PPEF1: variants seen among roughly 807,000 people sequenced by gnomAD.
The protein encoded by PPEF1 is serine/threonine-protein phosphatase with EF-hands 1.
Under a neutral mutation model 53.3 loss-of-function variants are expected in PPEF1, and 12 were observed. That is an observed-to-expected ratio of 0.23 (90% CI 0.14 to 0.36). PPEF1 has a LOEUF of 0.36. PPEF1 is among the 10% of genes least tolerant of loss of function. PPEF1 has a pLI of 1.00. For missense variants in PPEF1, 334 were observed against 490.4 expected, an observed-to-expected ratio of 0.68 and a Z score of 3.01; for synonymous variants, 165 against 176.7, an observed-to-expected ratio of 0.93 and a Z score of 0.52.
intron 6 of PPEF1, among the ~76,000 whole-genome samples, chrX:18,767,202 T>C (rs979092257): frequency 1.2e-4 from 13 of 110,715 alleles, no homozygotes; most frequent in African/African-American, 4.3e-4. Context: ...ATGTTTAGAC[T>C]GATGAGCCTG....
intron 3 of PPEF1, among the ~76,000 whole-genome samples, chrX:18,690,470 G>A (rs758441830): frequency 3.1e-4 from 33 of 104,856 alleles, no homozygotes; most frequent in African/African-American, 1.1e-3. Context: ...TCCACCTCCC[G>A]AGTTCAAGTG....
chrX:18,710,798 T>C lies in PPEF1; in HGVS notation c.46+2972T>C, dbSNP rs1033540338. On this transcript the variant is annotated intron_variant, in intron 1 of 15. Coordinates refer to ENST00000470157, the MANE Select transcript of PPEF1 (RefSeq NM_001377996.1). ...TTTCTCAAAGAACTAAAAATAGAGC[T>C]ACCAAACTACCATTTCATCCAGCAA... 3.6e-5 allele frequency among the ~76,000 whole-genome samples: 4 copies of C among 111,314 alleles called. No homozygotes were observed. The Admixed American group carries it at 3.8e-4, about 11-fold the overall frequency.
In PPEF1 at chrX:18,791,536, C is replaced by A. The variant is rs887640175; in HGVS notation, c.1065+2263C>A. On this transcript the variant is annotated intron_variant, in intron 10 of 15. Coordinates refer to ENST00000470157, the MANE Select transcript of PPEF1 (RefSeq NM_001377996.1). Reference sequence around the variant, plus strand: ...AATACAACTGACTTTTATATACTGACATTGTGTTGTGAACTTTGATAAACG... The same window carrying A: ...AATACAACTGACTTTTATATACTGAAATTGTGTTGTGAACTTTGATAAACG... Among the ~76,000 whole-genome samples, 4 of 112,138 alleles carry A rather than the reference C, an allele frequency of 3.6e-5. No homozygotes were observed. In the Admixed American group the frequency reaches 3.8e-4, roughly 11 times the overall value.
At chrX:18,675,550 G>T (rs770621537), upstream of PPEF1, among the ~76,000 whole-genome samples, 87 of 112,847 alleles carry the variant, frequency 7.7e-4, no homozygotes, top group Non-Finnish European at 1.4e-3. Flanking sequence ...ACAGGCCTAG[G>T]GGGTGCAAAT....
intron 14 of PPEF1, among the ~76,000 whole-genome samples, chrX:18,825,100 T>C: frequency 8.9e-6 from 1 of 112,102 alleles, no homozygotes; most frequent in African/African-American, 3.2e-5. Context: ...TTTCTTAGAA[T>C]GTGAATATCA....
At chrX:18,752,705 AGTT>A (rs1452748653) in intron 4 of PPEF1, among the ~76,000 whole-genome samples, 1 of 100,086 alleles carries the variant, frequency 1.0e-5, no homozygotes, top group Non-Finnish European at 2.0e-5. Flanking sequence ...TATCAGGAAA[AGTT>A]GTCGGGTTTT....
chrX:18,697,328 A>G (rs1298440509), intron 4 of PPEF1, among the ~76,000 whole-genome samples: 1 of 111,860 alleles, frequency 8.9e-6, no homozygotes, highest in African/African-American at 3.2e-5. Flanking sequence ...CCATTTTTCA[A>G]TCTTAACATC....
At chrX:18,754,259 T>A (rs1292787840) in intron 4 of PPEF1, among the ~76,000 whole-genome samples, 2 of 111,558 alleles carry the variant, frequency 1.8e-5, no homozygotes, top group African/African-American at 6.5e-5. Context: ...TCTGACAAAG[T>A]TGATTCTGAC....
intron 7 of PPEF1, among the ~76,000 whole-genome samples, chrX:18,779,855 A>G (rs1406861979): frequency 8.9e-6 from 1 of 111,844 alleles, no homozygotes; most frequent in Non-Finnish European, 1.9e-5. Context: ...AAGATATGGC[A>G]TGTCTCATGC....
chrX:18,723,691 A>G (rs1289454497), intron 1 of PPEF1, among the ~76,000 whole-genome samples: 1 of 112,029 alleles, frequency 8.9e-6, no homozygotes, highest in African/African-American at 3.2e-5. Context: ...CAGATGCTCA[A>G]GAGTGCTACA....
chrX:18,786,780 CAAAAAAA>C (rs761641178), intron 9 of PPEF1, among the ~76,000 whole-genome samples: 2 of 58,811 alleles, frequency 3.4e-5, no homozygotes, highest in Non-Finnish European at 6.0e-5. Flanking sequence ...AACACTATCT[CAAAAAAA>C]AAAAAAAAAA....
chrX:18,718,028 G>A (rs552503440), intron 1 of PPEF1, among the ~76,000 whole-genome samples: 5 of 111,780 alleles, frequency 4.5e-5, no homozygotes, highest in East Asian at 2.8e-4. Flanking sequence ...AATAGTCACC[G>A]TTTGATATGA....
intron 3 of PPEF1, among the ~76,000 whole-genome samples, chrX:18,737,051 TC>T (rs1569252013): frequency 1.8e-5 from 2 of 111,839 alleles, no homozygotes; most frequent in Non-Finnish European, 3.8e-5. Flanking sequence ...TAGCAGTCTA[TC>T]AATTTTGTTG....
intron 10 of PPEF1, among the ~76,000 whole-genome samples, chrX:18,797,490 C>G (rs951261076): frequency 2.7e-5 from 3 of 110,764 alleles, no homozygotes; most frequent in African/African-American, 9.9e-5. Flanking sequence ...TATTTATAGT[C>G]TGAATGACTC....
At chrX:18,800,986 A>G (rs948321682) in intron 10 of PPEF1, among the ~76,000 whole-genome samples, 3 of 112,086 alleles carry the variant, frequency 2.7e-5, no homozygotes, top group Non-Finnish European at 5.6e-5. Flanking sequence ...TCTTTCCTCC[A>G]TCATTATATT....
intron 3 of PPEF1, among the ~76,000 whole-genome samples, chrX:18,688,143 A>G (rs767865414): frequency 1.9e-4 from 21 of 112,424 alleles, no homozygotes; most frequent in South Asian, 1.1e-3. Flanking sequence ...TTCTCTGCAC[A>G]GAGGAGTTCA....
chrX:18,700,833 G>A (rs1346315356), intron 6 of PPEF1, among the ~76,000 whole-genome samples: 4 of 112,061 alleles, frequency 3.6e-5, no homozygotes, highest in Admixed American at 9.4e-5. Flanking sequence ...GCGTCTTGTC[G>A]TCTTAGAGGT....
At chrX:18,685,032 C>T (rs1408406502) in intron 2 of PPEF1, among the ~76,000 whole-genome samples, 1 of 112,241 alleles carries the variant, frequency 8.9e-6, no homozygotes, top group Non-Finnish European at 1.9e-5. Context: ...TAAAAGGCAA[C>T]ACCTGATAGC....
Position 18,806,392 on chromosome X carries a change from T to C in PPEF1, c.1252-11T>C. On this transcript the variant is annotated splice_polypyrimidine_tract_variant and intron_variant, in intron 11 of 15. Coordinates refer to ENST00000470157, the MANE Select transcript of PPEF1 (RefSeq NM_001377996.1). ...TGTTACGTGAACCTGACCCTCTTTTTCTTTAACCAGGTGGTGACTATATTT... is the reference window on the plus strand; with the variant it reads ...TGTTACGTGAACCTGACCCTCTTTTCCTTTAACCAGGTGGTGACTATATTT... 8.3e-7 allele frequency: 1 copy of C among 1,198,504 alleles called. No homozygotes were observed. Among genetic ancestry groups the C allele is most frequent in the South Asian group, 1.8e-5 (1 of 54,849 alleles).
Sources: allele counts gnomAD v4.1 joint callset (sites outside exome capture counted in the v4.1 genomes callset), GRCh38; gene constraint gnomAD v4.1.1; transcripts MANE v1.5; gene names NCBI Gene and HGNC (gene_info 2026-07-23, HGNC 2026-07-21).